LAMA2: variants seen among roughly 807,000 people sequenced by gnomAD.
The protein encoded by LAMA2 is laminin subunit alpha 2, also known as laminin subunit alpha-2.
In LAMA2, 269 loss-of-function variants were observed where a neutral mutation model predicts 364.8. That is an observed-to-expected ratio of 0.74 (90% CI 0.67 to 0.82). The LOEUF (loss-of-function observed/expected upper bound fraction) is 0.82, where lower values mean the gene tolerates loss of function less well. Ranked by LOEUF, LAMA2 falls within the 40% of genes least tolerant of loss-of-function variation. The probability of loss-of-function intolerance (pLI) is 0.00; values close to 1 mark genes in which losing one functional copy is unlikely to be tolerated. For missense variants in LAMA2, 3,807 were observed against 3,873.2 expected (o/e 0.98, Z 0.45); for synonymous variants, 1,379 against 1,370.6 (o/e 1.01, Z -0.14).
chr6:129,392,983 C>T (rs1779400262), intron 36 of LAMA2, 62 bp from the exon 37 acceptor site: 4 of 1,282,766 alleles, frequency 3.1e-6, no homozygotes, highest in Admixed American at 1.8e-5. Flanking sequence ...GGTTTAATAC[C>T]AATAAACCCT....
chr6:129,375,477 A>G (rs1778320422), intron 34 of LAMA2, among the ~76,000 whole-genome samples: 1 of 152,216 alleles, frequency 6.6e-6, no homozygotes, highest in Non-Finnish European at 1.5e-5. Flanking sequence ...AACTGTTTTT[A>G]TAAGATAACC....
chr6:128,905,686 A>C (rs1777408959), intron 1 of LAMA2: 1 of 151,366 alleles, frequency 6.6e-6, no homozygotes, highest in Non-Finnish European at 1.5e-5. Context: ...CACATTGTGC[A>C]GGTTAGTTAC....
intron 18 of LAMA2, 136 bp from the exon 19 acceptor site, chr6:129,287,711 A>G: frequency 1.3e-6 from 1 of 786,244 alleles, no homozygotes; most frequent in Non-Finnish European, 2.3e-6. Flanking sequence ...CATTTTTTTA[A>G]TCACGTTGCG....
chr6:129,437,825 A>G (rs189392223), intron 41 of LAMA2, among the ~76,000 whole-genome samples: 2 of 151,896 alleles, frequency 1.3e-5, no homozygotes, highest in African/African-American at 4.8e-5. Context: ...AACAGATTGG[A>G]TCTTTATTTT....
In LAMA2 at chr6:129,503,156, T is replaced by A. The variant is rs748093813; in HGVS notation, c.8423T>A (p.Ile2808Asn). Residue 2808 changes from isoleucine (I) to asparagine (N), a missense_variant, in exon 60 of 65, where the codon ATC becomes AAC. Ile to Asn is a moderately radical substitution (Grantham distance 149). This residue lies in a region of LAMA2 where 3,333 missense variants were observed against 3,345.7 expected (regional missense o/e 1.00). Coordinates refer to ENST00000421865, the MANE Select transcript of LAMA2 (RefSeq NM_000426.4). ...ESGLLFYMAR[I>N]NHADFATVQL... ...GGCTTGCTTTTTTACATGGCTCGCA[T>A]CAATCATGCTGATTTTGCAACAGTT... 10 of 1,614,194 alleles carry A rather than the reference T, an allele frequency of 6.2e-6. No individual in the cohort carries two copies. The highest frequency in any genetic ancestry group is 8.5e-6 in the Non-Finnish European group (10 of 1,180,014).
intron 28 of LAMA2, among the ~76,000 whole-genome samples, chr6:129,327,291 T>C (rs1480760382): frequency 6.6e-6 from 1 of 152,200 alleles, no homozygotes; most frequent in African/African-American, 2.4e-5. Context: ...CTCTGGACTG[T>C]CTAGGCCAGA....
intron 45 of LAMA2, among the ~76,000 whole-genome samples, chr6:129,449,694 T>C (rs1264288551): frequency 6.6e-6 from 1 of 152,174 alleles, no homozygotes; most frequent in Non-Finnish European, 1.5e-5. Flanking sequence ...ATAGATTGGT[T>C]GTAACCTCTA....
chr6:129,415,705 G>T (rs1403497412), intron 40 of LAMA2, among the ~76,000 whole-genome samples: 1 of 151,994 alleles, frequency 6.6e-6, no homozygotes, highest in Non-Finnish European at 1.5e-5. Flanking sequence ...AATTAGCCAG[G>T]CATGGTGACA....
intron 1 of LAMA2, among the ~76,000 whole-genome samples, chr6:129,005,841 A>G (rs1338745808): frequency 6.6e-6 from 1 of 150,924 alleles, no homozygotes; most frequent in Non-Finnish European, 1.5e-5. Flanking sequence ...TTTTGGTTAT[A>G]TATATTTTTA....
intron 38 of LAMA2, 22 bp from the exon 39 acceptor site, chr6:129,402,302 T>C (rs1371165651): frequency 1.2e-6 from 2 of 1,603,696 alleles, no homozygotes; most frequent in Admixed American, 1.7e-5. Context: ...TTGCTTAAAA[T>C]GCCCTCTTCT....
intron 1 of LAMA2, among the ~76,000 whole-genome samples, chr6:128,897,455 G>A (rs1365303021): frequency 6.6e-6 from 1 of 152,178 alleles, no homozygotes; most frequent in Non-Finnish European, 1.5e-5. Flanking sequence ...TAATTGGTAA[G>A]AATGTGCTTT....
chr6:129,514,546 A>G lies in LAMA2; in HGVS notation c.9162A>G (p.Ala3054=), dbSNP rs756723975. The G allele has an allele frequency of 5.6e-6, 9 of 1,614,068 alleles. No individual in the cohort carries two copies. In the African/African-American group the frequency reaches 1.1e-4, roughly 19 times the overall value. The change falls in exon 64 of 65, where the codon GCA becomes GCG. Residue 3054 remains alanine, a synonymous_variant. Transcript: ENST00000421865. ...NQVEAQSPNP[A]STSADTNDPV... is the part of the protein sequence containing the mutation. ...TGGAAGCCCAAAGCCCAAACCCAGC[A>G]TCTACATCAGCTGACACAAATGACC...
intron 1 of LAMA2, among the ~76,000 whole-genome samples, chr6:128,990,880 T>C (rs1009779796): frequency 1.3e-5 from 2 of 152,134 alleles, no homozygotes; most frequent in African/African-American, 4.8e-5. Flanking sequence ...ATAAAGAGGA[T>C]ATTTTAATCA....
At chr6:128,956,392 T>A (rs148807546) in intron 1 of LAMA2, among the ~76,000 whole-genome samples, 41 of 152,126 alleles carry the variant, frequency 2.7e-4, no homozygotes, top group African/African-American at 9.9e-4. Context: ...AGCCGTGAGA[T>A]AATGCAGCCT....
intron 1 of LAMA2, among the ~76,000 whole-genome samples, chr6:128,996,718 T>C (rs543869643): frequency 3.3e-5 from 5 of 152,326 alleles, no homozygotes; most frequent in African/African-American, 1.2e-4. Context: ...GACAGTGTGG[T>C]GATTCCTCAA....
intron 37 of LAMA2, among the ~76,000 whole-genome samples, chr6:129,400,805 A>G (rs1779924734): frequency 6.6e-6 from 1 of 152,252 alleles, no homozygotes; most frequent in Non-Finnish European, 1.5e-5. Context: ...CAAATTTCAC[A>G]GAACTCCCAT....
intron 11 of LAMA2, among the ~76,000 whole-genome samples, chr6:129,192,246 C>G (rs1467151108): frequency 6.6e-6 from 1 of 152,194 alleles, no homozygotes; most frequent in Non-Finnish European, 1.5e-5. Flanking sequence ...ATACGCAATA[C>G]TTTTTCAGGT....
intron 4 of LAMA2, among the ~76,000 whole-genome samples, chr6:129,143,367 A>G (rs1345361806): frequency 6.6e-6 from 1 of 152,028 alleles, no homozygotes; most frequent in African/African-American, 2.4e-5. Context: ...AACCTATTGA[A>G]ATATCTCACT....
chr6:129,068,509 G>C (rs916412688), intron 3 of LAMA2, among the ~76,000 whole-genome samples: 1 of 152,146 alleles, frequency 6.6e-6, no homozygotes, highest in Non-Finnish European at 1.5e-5. Flanking sequence ...GCTTTCTGGG[G>C]TTTCATTTAT....
Sources: gnomAD v4.1 joint callset for allele counts (sites outside exome capture counted in the v4.1 genomes callset) on GRCh38, gnomAD v4.1.1 for gene constraint, gnomAD v4.1.1 regional missense constraint, MANE v1.5 for transcripts, NCBI Gene and HGNC (gene_info 2026-07-23, HGNC 2026-07-21) for gene names.